TSHZ2: variants seen among roughly 807,000 people sequenced by gnomAD.
The protein encoded by TSHZ2 is teashirt zinc finger homeobox 2, also known as teashirt homolog 2.
A neutral mutation model predicts 74.4 loss-of-function variants in TSHZ2; 21 were observed. That is an observed-to-expected ratio of 0.28 (90% confidence interval 0.20 to 0.41). The LOEUF is 0.41. Ranked by LOEUF, TSHZ2 falls within the 10% of genes least tolerant of loss-of-function variation. The probability of loss-of-function intolerance (pLI) is 1.00; values close to 1 mark genes in which losing one functional copy is unlikely to be tolerated. For missense variants in TSHZ2, 1,244 were observed against 1,293.5 expected (o/e 0.96, Z 0.59); for synonymous variants, 540 against 515.3 (o/e 1.05, Z -0.65).
chr20:53,438,663 A>G (rs1157924570), intron 2 of TSHZ2, among the ~76,000 whole-genome samples: 1 of 152,166 alleles, frequency 6.6e-6, no homozygotes, highest in East Asian at 1.9e-4. Flanking sequence ...GGATCCCCAA[A>G]TAAAAATTAG....
intron 2 of TSHZ2, among the ~76,000 whole-genome samples, chr20:53,381,710 T>TAGGGATG: frequency 6.6e-6 from 1 of 152,262 alleles, no homozygotes; most frequent in East Asian, 1.9e-4. Context: ...GTGACTCAGG[T>TAGGGATG]AGGGATGAGT....
Position 53,488,757 on chromosome 20 carries a change from C to T in TSHZ2, c.*1622C>T. The T allele has an allele frequency of 3.2e-6, 1 of 316,112 alleles. No individual in the cohort carries two copies. The highest frequency in any genetic ancestry group is 2.2e-5 in the African/African-American group (1 of 45,638). 19.6% of individuals were successfully genotyped at this position (316,112 alleles called of 1,614,324 possible). A position where few individuals can be genotyped will look rare whatever the true frequency, so the allele number is the denominator to read the frequency against. ...ACAAAATGAAACCAAATATCTCTTC[C>T]TCACCATTTCTCAAGGAGGCTGCCT... On this transcript the variant is annotated 3_prime_UTR_variant, in exon 3 of 3. Transcript: ENST00000371497.
At chr20:53,007,985 A>G (rs1207016335) in intron 1 of TSHZ2, among the ~76,000 whole-genome samples, 1 of 152,150 alleles carries the variant, frequency 6.6e-6, no homozygotes, top group African/African-American at 2.4e-5. Context: ...TGTCAAGCCT[A>G]TGTTTGTAAA....
intron 1 of TSHZ2, among the ~76,000 whole-genome samples, chr20:53,040,971 G>T (rs1370455301): frequency 2.0e-5 from 3 of 152,120 alleles, no homozygotes; most frequent in African/African-American, 7.2e-5. Flanking sequence ...TGATCTCCTG[G>T]CATTGTCAGT....
intron 1 of TSHZ2, among the ~76,000 whole-genome samples, chr20:52,991,920 G>A (rs1982012118): frequency 6.6e-6 from 1 of 152,186 alleles, no homozygotes; most frequent in African/African-American, 2.4e-5. Flanking sequence ...AGCCCTTCAG[G>A]ATTTTCCCTG....
intron 1 of TSHZ2, among the ~76,000 whole-genome samples, chr20:53,102,446 T>G (rs879784467): frequency 0.028 from 1,674 of 59,656 alleles, no homozygotes; most frequent in Middle Eastern, 0.08. Context: ...GGAGAGGAGG[T>G]GGGGGAAGAG....
intron 2 of TSHZ2, among the ~76,000 whole-genome samples, chr20:53,306,180 C>T (rs997843980): frequency 1.2e-4 from 18 of 152,110 alleles, no homozygotes; most frequent in African/African-American, 3.9e-4. Flanking sequence ...TCTCCGTGAG[C>T]GTGGCAACCG....
chr20:53,069,883 T>G (rs557187580), intron 1 of TSHZ2, among the ~76,000 whole-genome samples: 2 of 152,104 alleles, frequency 1.3e-5, no homozygotes, highest in African/African-American at 4.8e-5. Context: ...TTAATGAAAA[T>G]CAGCTTATTC....
intron 1 of TSHZ2, among the ~76,000 whole-genome samples, chr20:53,062,281 G>A (rs971769313): frequency 2.0e-5 from 3 of 152,194 alleles, no homozygotes; most frequent in Admixed American, 2.0e-4. Flanking sequence ...TTGGCAAATT[G>A]TAAAGTGCAG....
chr20:53,180,001 C>T (rs76894624), intron 1 of TSHZ2, among the ~76,000 whole-genome samples: 11 of 152,300 alleles, frequency 7.2e-5, no homozygotes, highest in Non-Finnish European at 1.0e-4. Context: ...AAGGAAAATA[C>T]GCATTTCACC....
In TSHZ2 at chr20:53,063,129, C is replaced by T. The variant is rs371986251; in HGVS notation, c.40+89796C>T. ...AAAGTTTGAAATATTGCGAGAATTA[C>T]CAAAGTCTGGCACAGAGACTTGAAG... On this transcript the variant is annotated intron_variant, in intron 1 of 2. Coordinates refer to ENST00000371497, the MANE Select transcript of TSHZ2 (RefSeq NM_173485.6). Among the ~76,000 whole-genome samples the T allele has an allele frequency of 4.5e-4, 69 of 152,166 alleles. No homozygotes were observed. The Middle Eastern group carries it at 0.014, about 30-fold the overall frequency.
chr20:53,470,028 A>G (rs1488176301), intron 2 of TSHZ2, among the ~76,000 whole-genome samples: 1 of 152,158 alleles, frequency 6.6e-6, no homozygotes, highest in Non-Finnish European at 1.5e-5. Context: ...GAAGAAGAAA[A>G]AAAGAGTCCC....
chr20:52,988,925 G>A (rs776883647), intron 1 of TSHZ2, among the ~76,000 whole-genome samples: 2 of 152,046 alleles, frequency 1.3e-5, no homozygotes, highest in Non-Finnish European at 2.9e-5. Context: ...AATATGGAAC[G>A]CATGCAACGA....
chr20:53,397,589 C>A (rs1982500043), intron 2 of TSHZ2: 1 of 152,176 alleles, frequency 6.6e-6, no homozygotes, highest in Non-Finnish European at 1.5e-5. Flanking sequence ...GGATCTAGAA[C>A]TAGAAATACC....
At chr20:53,110,269 A>G (rs1187919410) in intron 1 of TSHZ2, among the ~76,000 whole-genome samples, 1 of 152,046 alleles carries the variant, frequency 6.6e-6, no homozygotes, top group African/African-American at 2.4e-5. Flanking sequence ...TCCGCAAAAC[A>G]AGGACAGCCA....
At chr20:53,207,425 GT>G (rs2078351244) in intron 1 of TSHZ2, among the ~76,000 whole-genome samples, 1 of 152,164 alleles carries the variant, frequency 6.6e-6, no homozygotes, top group African/African-American at 2.4e-5. Context: ...AAGCCCTGAA[GT>G]TTGGTGGCAA....
At chr20:53,232,909 A>G (rs541231334) in intron 1 of TSHZ2, among the ~76,000 whole-genome samples, 3 of 152,318 alleles carry the variant, frequency 2.0e-5, no homozygotes, top group South Asian at 4.2e-4. Context: ...ACTGAGAAAA[A>G]AAAATGCTTA....
chr20:53,116,973 T>A (rs962789580), intron 1 of TSHZ2, among the ~76,000 whole-genome samples: 1 of 152,036 alleles, frequency 6.6e-6, no homozygotes, highest in African/African-American at 2.4e-5. Flanking sequence ...GCCCTCCTCC[T>A]GATTTCTTCA....
chr20:53,123,339 G>C (rs1372811209), intron 1 of TSHZ2, among the ~76,000 whole-genome samples: 6 of 152,122 alleles, frequency 3.9e-5, no homozygotes, highest in African/African-American at 1.4e-4. Flanking sequence ...GATCTCAGTT[G>C]GTCCTCTTCA....
Sources: allele counts gnomAD v4.1 joint callset (sites outside exome capture counted in the v4.1 genomes callset), GRCh38; gene constraint gnomAD v4.1.1; transcripts MANE v1.5; gene names NCBI Gene and HGNC (gene_info 2026-07-23, HGNC 2026-07-21).